The following NEU3 variants were observed in gnomAD, a reference collection of about 807,000 sequenced individuals.
NEU3 encodes the protein neuraminidase 3.
NEU3 carries 10 observed loss-of-function variants against 11.4 expected under a neutral mutation model. That is an observed-to-expected ratio of 0.88 (90% CI 0.54 to 1.49). The LOEUF (loss-of-function observed/expected upper bound fraction) is 1.49. Ranked by LOEUF, NEU3 falls within the 40% of genes most tolerant of loss-of-function variation. The pLI is 0.00. For synonymous variants in NEU3, 212 were observed against 228.2 expected (o/e 0.93, Z 0.64); for missense variants, 529 against 581.8 (o/e 0.91, Z 0.93).
intron 2 of NEU3, among the ~76,000 whole-genome samples, chr11:74,997,485 C>T (rs1948800222): frequency 6.6e-6 from 1 of 152,154 alleles, no homozygotes; most frequent in African/African-American, 2.4e-5. Context: ...TTCTCCCTAT[C>T]AGCAATAAGG....
At position 75,006,005 on chromosome 11, in the gene NEU3, C is replaced by T. The variant is rs1347165873; in HGVS notation, c.899C>T (p.Ala300Val). 6.2e-7 allele frequency: 1 copy of T among 1,613,808 alleles called. No homozygotes were observed. Among genetic ancestry groups the T allele is most frequent in the Non-Finnish European group, 8.5e-7 (1 of 1,179,888 alleles). The part of the protein sequence containing the change: ...TDHGEGFQRL[A>V]LSRQLCEPPH... The stretch of plus-strand genomic sequence containing the variant: ...CATGGTGAAGGCTTTCAGAGACTGG[C>T]CCTGAGTCGACAGCTCTGTGAGCCC... Residue 300 changes from alanine (A) to valine (V), a missense_variant, in exon 3 of 3, where the codon GCC becomes GTC. Coordinates refer to ENST00000294064, the MANE Select transcript of NEU3 (RefSeq NM_006656.6).
chr11:74,988,746 G>A (rs1298385275), upstream of NEU3: 1 of 418,210 alleles, frequency 2.4e-6, no homozygotes. Context: ...GGCTTGAGCT[G>A]AGTTGGCGAG....
upstream of NEU3, among the ~76,000 whole-genome samples, chr11:74,987,754 A>G (rs991348866): frequency 3.3e-5 from 5 of 152,214 alleles, no homozygotes; most frequent in African/African-American, 1.2e-4. Flanking sequence ...CGGAGCTTGC[A>G]GTGAGCCAAG....
upstream of NEU3, among the ~76,000 whole-genome samples, chr11:74,986,527 G>T (rs911188908): frequency 1.3e-5 from 2 of 152,132 alleles, no homozygotes; most frequent in South Asian, 4.1e-4. Flanking sequence ...CCATATCTTA[G>T]TTTGGTAACT....
downstream of NEU3, among the ~76,000 whole-genome samples, chr11:75,014,340 T>C (rs558791589): frequency 1.3e-5 from 2 of 152,274 alleles, no homozygotes; most frequent in African/African-American, 4.8e-5. Context: ...AAGTTGGAGA[T>C]AGATTCTGTT....
At chr11:74,985,793 A>T (rs1454098722), upstream of NEU3, among the ~76,000 whole-genome samples, 2 of 152,240 alleles carry the variant, frequency 1.3e-5, no homozygotes, top group East Asian at 3.9e-4. Flanking sequence ...ACACGTGTGT[A>T]ATGTTTCTGT....
chr11:74,995,352 T>C (rs1265185256), intron 2 of NEU3, among the ~76,000 whole-genome samples: 3 of 152,200 alleles, frequency 2.0e-5, no homozygotes, highest in South Asian at 2.1e-4. Flanking sequence ...TGGTCACGCG[T>C]CTAATAAGTG....
At chr11:74,993,737 G>T (rs895344165) in intron 1 of NEU3, among the ~76,000 whole-genome samples, 4 of 152,176 alleles carry the variant, frequency 2.6e-5, no homozygotes, top group Non-Finnish European at 5.9e-5. Context: ...GCCACATCTG[G>T]TGAGGGCTTT....
chr11:74,990,856 T>A (rs1285469581), intron 1 of NEU3, among the ~76,000 whole-genome samples: 1 of 152,234 alleles, frequency 6.6e-6, no homozygotes, highest in Non-Finnish European at 1.5e-5. Flanking sequence ...GGGATTTAAA[T>A]GTTTTTAAGA....
rs369919491 is a variant in NEU3 at position 75,006,404 on chromosome 11, G to T, written c.1298G>T (p.Arg433Leu). 3 of 1,613,786 alleles carry T rather than the reference G, an allele frequency of 1.9e-6. No individual in the cohort carries two copies. The highest frequency in any genetic ancestry group is 2.5e-6 in the Non-Finnish European group (3 of 1,179,890). Residue 433 changes from arginine (R) to leucine (L), a missense_variant, in exon 3 of 3, where the codon CGC (arginine) becomes CTC (leucine). Coordinates refer to ENST00000294064, the MANE Select transcript of NEU3 (RefSeq NM_006656.6). Reference sequence around the variant, plus strand: ...CAAGAGTGTGAGCAGATTGCCTTCCGCCTGTTTACACACCGGGAGATCCTG... The same window carrying T: ...CAAGAGTGTGAGCAGATTGCCTTCCTCCTGTTTACACACCGGGAGATCCTG... ...TKQECEQIAF[R>L]LFTHREILSH...
chr11:74,991,784 C>T (rs1182788510), intron 1 of NEU3, among the ~76,000 whole-genome samples: 1 of 152,172 alleles, frequency 6.6e-6, no homozygotes. Context: ...TCCTTTTAAC[C>T]CTCAGTTGGC....
At position 75,005,828 on chromosome 11, in the gene NEU3, T is replaced by A. The variant is rs1272446715; in HGVS notation, c.722T>A (p.Leu241Gln). 6.2e-7 allele frequency: 1 copy of A among 1,613,810 alleles called. No homozygotes were observed. Among genetic ancestry groups the A allele is most frequent in the African/African-American group, 1.3e-5 (1 of 74,940 alleles). Residue 241 changes from leucine to glutamine, a missense_variant, in exon 3 of 3, where the codon CTA (leucine) becomes CAA (glutamine). Physicochemically the swap from Leu to Gln is moderately radical, Grantham distance 113 (BLOSUM62 -2). Transcript: ENST00000294064. The part of the protein sequence containing the change: ...PHSLMIYSDD[L>Q]GVTWHHGRLI... ...TCTCTGATGATCTACAGTGATGACC[T>A]AGGGGTCACATGGCACCATGGTAGA...
upstream of NEU3, among the ~76,000 whole-genome samples, chr11:74,986,924 C>T (rs1335231758): frequency 1.3e-5 from 2 of 152,146 alleles, no homozygotes; most frequent in East Asian, 3.8e-4. Context: ...CTCCCAGAGG[C>T]AAGTTCTGAG....
At chr11:75,011,869 G>T (rs1351900840), downstream of NEU3, among the ~76,000 whole-genome samples, 2 of 151,654 alleles carry the variant, frequency 1.3e-5, no homozygotes, top group East Asian at 1.9e-4. Flanking sequence ...GCACTCTCTT[G>T]CCTCTATTGC....
upstream of NEU3, chr11:74,988,915 C>T: frequency 1.5e-6 from 1 of 676,248 alleles, no homozygotes; most frequent in South Asian, 1.6e-5. Context: ...CTTTTCGTTG[C>T]CGTTACCTGT....
chr11:75,002,894 C>G (rs754482729), intron 2 of NEU3, among the ~76,000 whole-genome samples: 17 of 152,114 alleles, frequency 1.1e-4, no homozygotes, highest in Non-Finnish European at 2.4e-4. Context: ...GTGTGTAACC[C>G]TAATTTGTTT....
chr11:74,998,869 C>T (rs755632503), intron 2 of NEU3, among the ~76,000 whole-genome samples: 1 of 152,262 alleles, frequency 6.6e-6, no homozygotes, highest in African/African-American at 2.4e-5. Context: ...CCCAGCCCTA[C>T]AGCCCAGTAG....
Position 75,008,768 on chromosome 11 carries a change from C to T in NEU3, c.*2276C>T, listed in dbSNP as rs148660148. The T allele has an allele frequency of 6.6e-6, 1 of 152,118 alleles. No individual in the cohort carries two copies. The highest frequency in any genetic ancestry group is 2.4e-5 in the African/African-American group (1 of 41,460). 9.4% of individuals were successfully genotyped at this position (152,118 alleles called of 1,614,324 possible). ...ACGGGGTTTCACCATGTTGGCCAGG[C>T]TTGTCTCGAACTCCTAGCCTTGTGA... On this transcript the variant is annotated 3_prime_UTR_variant, in exon 3 of 3. Coordinates refer to ENST00000294064, the MANE Select transcript of NEU3 (RefSeq NM_006656.6).
chr11:74,990,074 T>G (rs1948713850), intron 1 of NEU3: 1 of 694,806 alleles, frequency 1.4e-6, no homozygotes, highest in Non-Finnish European at 2.6e-6. Flanking sequence ...CTAATTGTTA[T>G]AGTGATAATA....
Sources: gnomAD v4.1 joint callset for allele counts (sites outside exome capture counted in the v4.1 genomes callset) on GRCh38, gnomAD v4.1.1 for gene constraint, MANE v1.5 for transcripts, NCBI Gene and HGNC (gene_info 2026-07-23, HGNC 2026-07-21) for gene names.